The following RASA3 variants were observed in gnomAD, a reference collection of about 807,000 sequenced individuals.
RASA3 encodes ras GTPase-activating protein 3.
Under a neutral mutation model 110.0 loss-of-function variants are expected in RASA3, and 73 were observed. That is an observed-to-expected ratio of 0.66 (90% CI 0.55 to 0.81). The LOEUF is 0.81. Ranked by LOEUF, RASA3 falls within the 30% of genes least tolerant of loss-of-function variation. RASA3 has a pLI of 0.00. For missense variants in RASA3, 976 were observed against 1,113.2 expected (o/e 0.88, Z 1.75); for synonymous variants, 500 against 451.4 (o/e 1.11, Z -1.37).
Position 113,996,736 on chromosome 13 carries a change from A to G in RASA3, c.1936T>C (p.Phe646Leu). The G allele has an allele frequency of 6.2e-7, 1 of 1,613,322 alleles. No individual in the cohort carries two copies. The highest frequency in any genetic ancestry group is 8.5e-7 in the Non-Finnish European group (1 of 1,179,818). Residue 646 changes from phenylalanine to leucine, a missense_variant, in exon 21 of 24, where the codon TTC becomes CTC. Transcript: ENST00000334062. ...EEESFKMKNM[F>L]QVIQPERALY... ...GCACGCTCTGGCTGGATGACCTGGA[A>G]CATCTGAGGACACAGGTGGGCTCAG...
intron 2 of RASA3, among the ~76,000 whole-genome samples, chr13:114,061,276 C>A (rs7988568): frequency 6.6e-6 from 1 of 151,728 alleles, no homozygotes; most frequent in Non-Finnish European, 1.5e-5. Context: ...TGCCTTGATG[C>A]GTGGGGCTTG....
At chr13:114,131,077 C>T (rs1210867591) in intron 1 of RASA3, among the ~76,000 whole-genome samples, 1 of 152,248 alleles carries the variant, frequency 6.6e-6, no homozygotes, top group Non-Finnish European at 1.5e-5. Context: ...CTACTCAAAG[C>T]GGAAGTGCTG....
chr13:114,013,269 G>T (rs2053681273), intron 14 of RASA3, 21 bp from the exon 15 acceptor site: 2 of 1,591,818 alleles, frequency 1.3e-6, no homozygotes, highest in African/African-American at 1.3e-5. Context: ...GAGAAGCAGG[G>T]TGACCGTTTT....
chr13:114,056,587 G>A lies in RASA3; in HGVS notation c.174-4432C>T, dbSNP rs911218227. On this transcript the variant is annotated intron_variant, in intron 2 of 23. Coordinates refer to ENST00000334062, the MANE Select transcript of RASA3 (RefSeq NM_007368.4). The surrounding 1 kb of genome is among the most constrained non-coding windows in gnomAD (Gnocchi z 5.7). ...CTGTAACTCTGCTTGGCAGTGGGGG[G>A]CTCGGTGGGGGGAGGCCCGTGCTGG... is the stretch of plus-strand genomic sequence containing the variant. 6 of 983,882 alleles carry A rather than the reference G, an allele frequency of 6.1e-6. No homozygotes were observed. The highest frequency in any genetic ancestry group is 3.6e-6 in the Non-Finnish European group (3 of 829,484). The allele number at this position is 983,882 out of a possible 1,614,324, so 60.9% of individuals were successfully genotyped here.
At chr13:114,033,307 CCCA>C (rs1424486450) in intron 4 of RASA3, among the ~76,000 whole-genome samples, 1 of 108,806 alleles carries the variant, frequency 9.2e-6, no homozygotes, top group African/African-American at 3.8e-5. Flanking sequence ...CCACGGCACC[CCCA>C]CACTTGATAC....
chr13:114,032,077 TAGTC>T (rs758145683), intron 4 of RASA3, among the ~76,000 whole-genome samples: 3 of 152,132 alleles, frequency 2.0e-5, no homozygotes, highest in Admixed American at 6.5e-5. Flanking sequence ...GCCAAAAAAT[TAGTC>T]AGGAGATATT....
intron 2 of RASA3, among the ~76,000 whole-genome samples, chr13:114,072,797 A>G (rs1020791171): frequency 1.3e-5 from 2 of 152,240 alleles, no homozygotes; most frequent in African/African-American, 4.8e-5. Flanking sequence ...TGCTCAGGAC[A>G]TAATCTACAT....
At chr13:114,131,934 C>T (rs1342757424) in intron 1 of RASA3, among the ~76,000 whole-genome samples, 6 of 152,150 alleles carry the variant, frequency 3.9e-5, no homozygotes, top group Admixed American at 1.3e-4. Context: ...CGCGCCGGGG[C>T]CTCACGCCCC....
intron 2 of RASA3, among the ~76,000 whole-genome samples, chr13:114,062,041 T>C (rs1047410294): frequency 4.6e-4 from 70 of 152,322 alleles, no homozygotes; most frequent in Non-Finnish European, 7.2e-4. Flanking sequence ...TCCTGGACCA[T>C]GTCCACGTCT....
In RASA3 at chr13:114,115,267, G is replaced by A. The variant is rs940389526; in HGVS notation, c.55+17168C>T. On this transcript the variant is annotated intron_variant, in intron 1 of 23. Transcript: ENST00000334062. The surrounding 1 kb of genome is among the most constrained non-coding windows in gnomAD (Gnocchi z 5.0). ...GCCGCCGTGCGGTAGCAGTTTTCCCGAGTGTCTCCTGGCTGGGACGGCTGG... is the reference window on the plus strand; with the variant it reads ...GCCGCCGTGCGGTAGCAGTTTTCCCAAGTGTCTCCTGGCTGGGACGGCTGG... Among the ~76,000 whole-genome samples, 8 of 152,318 alleles carry A rather than the reference G, an allele frequency of 5.3e-5. 1 individual carries two copies. In the East Asian group the frequency reaches 5.8e-4, roughly 11 times the overall value.
At chr13:114,001,008 C>T in intron 18 of RASA3, 76 bp from the exon 19 acceptor site, 2 of 925,920 alleles carry the variant, frequency 2.2e-6, no homozygotes, top group Non-Finnish European at 3.6e-6. Flanking sequence ...ACACCCCCCA[C>T]TTTCTGCGTT....
intron 1 of RASA3, among the ~76,000 whole-genome samples, chr13:114,129,562 T>A (rs1398956133): frequency 6.6e-6 from 1 of 152,124 alleles, no homozygotes; most frequent in African/African-American, 2.4e-5. Flanking sequence ...CCAATGCCCC[T>A]ATACCTTAAA....
Position 114,048,251 on chromosome 13 carries a change from G to C in RASA3, c.277+3801C>G, listed in dbSNP as rs113181777. ...AATGGCGTGAACCCGGGAGGTGGAGGTTGCAGTGAGCCGAGATCGCGCCAC... is the reference window on the plus strand; with the variant it reads ...AATGGCGTGAACCCGGGAGGTGGAGCTTGCAGTGAGCCGAGATCGCGCCAC... On this transcript the variant is annotated intron_variant, in intron 3 of 23. Coordinates refer to ENST00000334062, the MANE Select transcript of RASA3 (RefSeq NM_007368.4). The surrounding 1 kb of genome is among the most constrained non-coding windows in gnomAD (Gnocchi z 4.3). 5.9e-5 allele frequency among the ~76,000 whole-genome samples: 9 copies of C among 151,636 alleles called. No homozygotes were observed. Among genetic ancestry groups the C allele is most frequent in the African/African-American group, 1.7e-4 (7 of 41,314 alleles).
chr13:114,043,642 G>A (rs1057406923), intron 3 of RASA3, among the ~76,000 whole-genome samples: 2 of 152,096 alleles, frequency 1.3e-5, no homozygotes, highest in African/African-American at 2.4e-5. Context: ...GAGGGCAGGC[G>A]AGAGCCAAAT....
intron 23 of RASA3, 50 bp downstream of exon 23, chr13:113,981,625 T>A: frequency 2.1e-5 from 33 of 1,557,316 alleles, no homozygotes; most frequent in Non-Finnish European, 2.5e-5. Context: ...CACTGCAATC[T>A]CCCGCCCACT....
At chr13:113,993,409 C>G (rs910299990) in intron 21 of RASA3, among the ~76,000 whole-genome samples, 3 of 151,826 alleles carry the variant, frequency 2.0e-5, no homozygotes, top group Non-Finnish European at 4.4e-5. Flanking sequence ...CTCCTGAGCT[C>G]AGGTGATCCA....
At chr13:114,020,586 G>A (rs945442680) in intron 9 of RASA3, among the ~76,000 whole-genome samples, 6 of 152,226 alleles carry the variant, frequency 3.9e-5, no homozygotes, top group Non-Finnish European at 5.9e-5. Context: ...GGGAGTGCAC[G>A]CTTCCCGTGA....
chr13:114,073,632 GA>G (rs1000181054), intron 2 of RASA3, 87 bp downstream of exon 2: 38 of 1,103,316 alleles, frequency 3.4e-5, no homozygotes, highest in Non-Finnish European at 5.2e-5. Context: ...CCACACATGG[GA>G]AAATGGGAAG....
At chr13:114,039,797 G>GGGGACAT (rs1297993346) in intron 4 of RASA3, among the ~76,000 whole-genome samples, 2 of 152,202 alleles carry the variant, frequency 1.3e-5, no homozygotes, top group Non-Finnish European at 2.9e-5. Flanking sequence ...CCCCAGCACT[G>GGGGACAT]GAGCCCCCGG....
Sources: gnomAD v4.1 joint callset for allele counts (sites outside exome capture counted in the v4.1 genomes callset) on GRCh38, gnomAD v4.1.1 for gene constraint, Gnocchi (gnomAD v3.1) non-coding constraint, MANE v1.5 for transcripts, NCBI Gene and HGNC (gene_info 2026-07-23, HGNC 2026-07-21) for gene names.